The following AFG2A variants were observed in gnomAD, a reference collection of about 807,000 sequenced individuals.
AFG2A encodes ATPase family gene 2 protein homolog A.
chr4:123,199,626 C>T, the AFG2A span, among the ~76,000 whole-genome samples: 5 of 151,978 alleles, frequency 3.3e-5, no homozygotes, highest in Non-Finnish European at 7.4e-5. Flanking sequence ...CACGTGCCAC[C>T]ACACCTGGCT....
the AFG2A span, among the ~76,000 whole-genome samples, chr4:123,063,743 C>CAAAAA: frequency 0.012 from 1,515 of 129,698 alleles, 27 homozygotes; most frequent in African/African-American, 0.04. Flanking sequence ...GAGACTGTCT[C>CAAAAA]AAAAAAAAAA....
chr4:122,936,237 G>T, the AFG2A span: 1 of 1,002,224 alleles, frequency 1.0e-6, no homozygotes, highest in South Asian at 2.1e-5. Flanking sequence ...CTTATACAAA[G>T]CATAAACAGT....
chr4:123,052,860 T>C, the AFG2A span, among the ~76,000 whole-genome samples: 2 of 152,190 alleles, frequency 1.3e-5, no homozygotes, highest in Admixed American at 1.3e-4. Flanking sequence ...GTAGGGAAGC[T>C]GACAGTGTAG....
chr4:123,065,988 C>T, the AFG2A span, among the ~76,000 whole-genome samples: 3 of 152,096 alleles, frequency 2.0e-5, no homozygotes, highest in African/African-American at 4.8e-5. Context: ...GTGAAGTGCT[C>T]AGTTAAAAGC....
the AFG2A span, among the ~76,000 whole-genome samples, chr4:123,299,284 T>G: frequency 5.0e-4 from 76 of 152,342 alleles, 1 homozygote; most frequent in South Asian, 4.1e-4. Context: ...ACTTAAAATG[T>G]GTACAAAAGA....
At chr4:123,259,725 G>A in the AFG2A span, among the ~76,000 whole-genome samples, 1 of 151,836 alleles carries the variant, frequency 6.6e-6, no homozygotes. Flanking sequence ...GTTACTTTTG[G>A]AAGAGTTTTA....
the AFG2A span, among the ~76,000 whole-genome samples, chr4:123,174,466 G>A: frequency 6.6e-6 from 1 of 152,104 alleles, no homozygotes; most frequent in Non-Finnish European, 1.5e-5. Context: ...CTCTGATGTA[G>A]AAAAAGTTTC....
the AFG2A span, among the ~76,000 whole-genome samples, chr4:123,161,128 T>G: frequency 6.6e-6 from 1 of 152,216 alleles, no homozygotes; most frequent in Non-Finnish European, 1.5e-5. Flanking sequence ...CTTCAGAATC[T>G]TATCCCAAAA....
At chr4:123,056,025 A>G in the AFG2A span, among the ~76,000 whole-genome samples, 2 of 152,258 alleles carry the variant, frequency 1.3e-5, no homozygotes, top group Non-Finnish European at 2.9e-5. Flanking sequence ...TCTGGTAAGT[A>G]GACCTGCTTA....
chr4:123,002,777 T>C, the AFG2A span, among the ~76,000 whole-genome samples: 1 of 152,216 alleles, frequency 6.6e-6, no homozygotes, highest in African/African-American at 2.4e-5. Flanking sequence ...CTGACAATTA[T>C]GTGTCTTGGA....
the AFG2A span, among the ~76,000 whole-genome samples, chr4:123,085,844 A>G: frequency 6.6e-6 from 1 of 150,918 alleles, no homozygotes; most frequent in Non-Finnish European, 1.5e-5. Flanking sequence ...CTTTTCTTAG[A>G]CTGTTAAGTT....
At chr4:122,953,255 T>C in the AFG2A span, among the ~76,000 whole-genome samples, 5,071 of 152,288 alleles carry the variant, frequency 0.033, 160 homozygotes, top group South Asian at 0.15. Context: ...ATTCTCAAGA[T>C]GTATTCCAAG....
At chr4:123,197,503 C>T in the AFG2A span, among the ~76,000 whole-genome samples, 3 of 152,158 alleles carry the variant, frequency 2.0e-5, no homozygotes, top group African/African-American at 7.2e-5. Context: ...CGCACAGTGG[C>T]TCACGCCTGT....
At chr4:123,240,560 A>G in the AFG2A span, among the ~76,000 whole-genome samples, 1 of 152,246 alleles carries the variant, frequency 6.6e-6, no homozygotes, top group South Asian at 2.1e-4. Context: ...ATAAGGCAGA[A>G]ATAAGGATGT....
At chr4:123,070,459 T>A in the AFG2A span, among the ~76,000 whole-genome samples, 1 of 152,142 alleles carries the variant, frequency 6.6e-6, no homozygotes, top group Admixed American at 6.5e-5. Context: ...CTGGAGGTTG[T>A]GAACTCCAAG....
the AFG2A span, among the ~76,000 whole-genome samples, chr4:123,197,975 G>A: frequency 6.6e-6 from 1 of 151,464 alleles, no homozygotes; most frequent in Non-Finnish European, 1.5e-5. Context: ...TGCATTAAGA[G>A]CATAAGAGAA....
At chr4:123,245,273 C>G in the AFG2A span, among the ~76,000 whole-genome samples, 1 of 152,028 alleles carries the variant, frequency 6.6e-6, no homozygotes, top group African/African-American at 2.4e-5. Context: ...CTCCCTTACC[C>G]CCATTAAGAA....
chr4:123,007,604 GTGTGTATA>G, the AFG2A span, among the ~76,000 whole-genome samples: 1 of 12,500 alleles, frequency 8.0e-5, no homozygotes, highest in Admixed American at 7.0e-4. Flanking sequence ...GTGTGTGTGT[GTGTGTATA>G]TATATATATA....
the AFG2A span, among the ~76,000 whole-genome samples, chr4:123,184,076 G>A: frequency 1.3e-5 from 2 of 152,044 alleles, no homozygotes; most frequent in Non-Finnish European, 2.9e-5. Context: ...GATTATAGGC[G>A]TGAGCCACCA....
Sources: allele counts gnomAD v4.1 joint callset (sites outside exome capture counted in the v4.1 genomes callset), GRCh38; gene constraint gnomAD v4.1.1; transcripts MANE v1.5; gene names NCBI Gene and HGNC (gene_info 2026-07-23, HGNC 2026-07-21).